The following GLDC variants were observed in gnomAD, a reference collection of about 807,000 sequenced individuals.
GLDC encodes glycine decarboxylase.
In GLDC, 104 loss-of-function variants were observed where a neutral mutation model predicts 121.3. That is an observed-to-expected ratio of 0.86 (90% CI 0.73 to 1.01). The LOEUF is 1.01. Among genes scored for constraint, GLDC ranks in the 50% least tolerant of loss-of-function variants. The pLI, the probability that GLDC is intolerant of heterozygous loss-of-function variation, is 0.00. For synonymous variants in GLDC, 546 were observed against 480.6 expected (o/e 1.14, Z -1.78); for missense variants, 1,429 against 1,306.6 (o/e 1.09, Z -1.44).
chr9:6,627,153 A>G (rs549102151), intron 2 of GLDC, among the ~76,000 whole-genome samples: 9 of 151,886 alleles, frequency 5.9e-5, no homozygotes, highest in East Asian at 3.9e-4. Context: ...AAAATTAGCC[A>G]GGTGTGTTGG....
intron 16 of GLDC, among the ~76,000 whole-genome samples, chr9:6,564,191 T>G (rs755100604): frequency 6.7e-6 from 1 of 149,516 alleles, no homozygotes; most frequent in African/African-American, 2.5e-5. Context: ...GAGGTTGCAA[T>G]GAGCCGAGAT....
chr9:6,617,192 A>T (rs899687399), intron 3 of GLDC, among the ~76,000 whole-genome samples: 6 of 152,028 alleles, frequency 3.9e-5, no homozygotes, highest in Non-Finnish European at 7.4e-5. Context: ...AGCCCTCCCT[A>T]TCAGCGCTGG....
chr9:6,634,760 C>T (rs2578279), intron 2 of GLDC, among the ~76,000 whole-genome samples: 50,933 of 151,918 alleles, frequency 0.34, 9,429 homozygotes, highest in East Asian at 0.51. Context: ...ACCCAGTCTT[C>T]ATTCTGCTTC....
Position 6,533,161 on chromosome 9 carries a change from C to T in GLDC, c.2920-1G>A, listed in dbSNP as rs1474611877. ...ATTTGTTCTCTGGTTTCACGAAGGG[C>T]TGCAAAGGACAAAAGATGGAAATGC... On this transcript the variant is annotated splice_acceptor_variant, in intron 24 of 24. Transcript: ENST00000321612. LOFTEE classifies it high-confidence loss of function. 1 of 1,613,532 alleles carries T rather than the reference C, an allele frequency of 6.2e-7. No individual in the cohort carries two copies. The highest frequency in any genetic ancestry group is 8.5e-7 in the Non-Finnish European group (1 of 1,179,490).
At chr9:6,596,788 G>T (rs1818501141) in intron 8 of GLDC, among the ~76,000 whole-genome samples, 1 of 152,196 alleles carries the variant, frequency 6.6e-6, no homozygotes, top group South Asian at 2.1e-4. Flanking sequence ...ATATGCTGCT[G>T]GTAGGAAAGT....
intron 9 of GLDC, 48 bp from the exon 10 acceptor site, chr9:6,593,038 C>CT (rs1456401852): frequency 1.3e-6 from 2 of 1,597,266 alleles, no homozygotes; most frequent in East Asian, 4.5e-5. Flanking sequence ...AAACCTGCTC[C>CT]TCAGCCATTG....
chr9:6,557,851 C>T (rs539660594), intron 17 of GLDC: 1 of 154,662 alleles, frequency 6.5e-6, no homozygotes, highest in Non-Finnish European at 1.4e-5. Flanking sequence ...CAACTACTGG[C>T]CTGGAACACT....
intron 2 of GLDC, among the ~76,000 whole-genome samples, chr9:6,632,888 C>T (rs1490642779): frequency 6.6e-6 from 1 of 152,164 alleles, no homozygotes; most frequent in South Asian, 2.1e-4. Context: ...GACACTCAAA[C>T]AGGCCTTACA....
At chr9:6,603,197 C>T (rs1364578860) in intron 7 of GLDC, among the ~76,000 whole-genome samples, 2 of 151,018 alleles carry the variant, frequency 1.3e-5, no homozygotes, top group African/African-American at 2.4e-5. Context: ...CACTGCACTC[C>T]AGCCTGGGTG....
intron 6 of GLDC, 46 bp from the exon 7 acceptor site, chr9:6,604,830 T>G (rs145666264): frequency 2.8e-6 from 4 of 1,454,374 alleles, no homozygotes; most frequent in Non-Finnish European, 3.9e-6. Context: ...TACCTTTCCC[T>G]GAGAGTAGTG....
chr9:6,603,205 G>A (rs2129889634), intron 7 of GLDC, among the ~76,000 whole-genome samples: 1 of 151,582 alleles, frequency 6.6e-6, no homozygotes, highest in East Asian at 1.9e-4. Context: ...TCCAGCCTGG[G>A]TGACAGAGAG....
chr9:6,554,830 C>T, intron 18 of GLDC, 49 bp from the exon 19 acceptor site: 1 of 1,410,186 alleles, frequency 7.1e-7, no homozygotes, highest in Non-Finnish European at 9.9e-7. Flanking sequence ...CTTGGAAGCA[C>T]CCTCCAGTGT....
At chr9:6,540,613 T>G (rs1018256156) in intron 21 of GLDC, 1 of 180,308 alleles carries the variant, frequency 5.5e-6, no homozygotes, top group Non-Finnish European at 1.2e-5. Context: ...TATATAGGTA[T>G]GGATATATTA....
At chr9:6,623,736 C>G (rs1042322856) in intron 2 of GLDC, among the ~76,000 whole-genome samples, 1 of 152,170 alleles carries the variant, frequency 6.6e-6, no homozygotes, top group African/African-American at 2.4e-5. Flanking sequence ...GATGATCTTG[C>G]CTTCTTCCAT....
chr9:6,592,421 C>G (rs773095976), intron 10 of GLDC, among the ~76,000 whole-genome samples, 198 bp from the exon 11 acceptor site: 2 of 152,206 alleles, frequency 1.3e-5, no homozygotes, highest in African/African-American at 4.8e-5. Context: ...TCGAGTTTTG[C>G]CAGCCACCTC....
intron 2 of GLDC, 132 bp downstream of exon 2, chr9:6,644,482 C>A: frequency 2.8e-6 from 2 of 713,584 alleles, no homozygotes; most frequent in Non-Finnish European, 5.1e-6. Flanking sequence ...GAGGTACCCG[C>A]CACTGTTTTA....
chr9:6,553,575 C>T, intron 19 of GLDC, 66 bp from the exon 20 acceptor site: 1 of 1,504,894 alleles, frequency 6.6e-7, no homozygotes, highest in East Asian at 2.3e-5. Flanking sequence ...TGGGAAGGTT[C>T]TGGGCCCTCC....
chr9:6,590,746 C>T (rs970311133), intron 11 of GLDC, among the ~76,000 whole-genome samples: 15 of 152,166 alleles, frequency 9.9e-5, no homozygotes, highest in Admixed American at 3.3e-4. Context: ...CTTAGTGATG[C>T]TCCAGAAACA....
chr9:6,542,059 G>A (rs1191439477), intron 21 of GLDC: 3 of 152,156 alleles, frequency 2.0e-5, no homozygotes, highest in Non-Finnish European at 4.4e-5. Flanking sequence ...GGCCAACGTG[G>A]TGAAACCCCA....
Sources: gnomAD v4.1 joint callset for allele counts (sites outside exome capture counted in the v4.1 genomes callset) on GRCh38, gnomAD v4.1.1 for gene constraint, MANE v1.5 for transcripts, NCBI Gene and HGNC (gene_info 2026-07-23, HGNC 2026-07-21) for gene names.